Variants in HIGD1A observed in about 807,000 individuals in gnomAD.
The protein encoded by HIGD1A is HIG1 hypoxia inducible domain family member 1A.
A neutral mutation model predicts 11.3 loss-of-function variants in HIGD1A; 8 were observed. That is an observed-to-expected ratio of 0.71 (90% CI 0.42 to 1.28). The LOEUF (loss-of-function observed/expected upper bound fraction) is 1.28. Among genes scored for constraint, HIGD1A ranks in the 50% most tolerant of loss-of-function variants. The probability of loss-of-function intolerance (pLI) is 0.01; values close to 1 mark genes in which losing one functional copy is unlikely to be tolerated. For missense variants in HIGD1A, 107 were observed against 118.8 expected (o/e 0.90, Z 0.46); for synonymous variants, 32 against 38.4 (o/e 0.83, Z 0.62).
intron 2 of HIGD1A, among the ~76,000 whole-genome samples, chr3:42,788,200 A>G (rs1202807673): frequency 1.3e-5 from 2 of 152,224 alleles, no homozygotes; most frequent in African/African-American, 4.8e-5. Flanking sequence ...AAATAAACAT[A>G]CGACATTAGG....
At chr3:42,792,518 G>A (rs933947935) in intron 2 of HIGD1A, among the ~76,000 whole-genome samples, 1 of 151,336 alleles carries the variant, frequency 6.6e-6, no homozygotes, top group African/African-American at 2.4e-5. Flanking sequence ...CTAAAAGATA[G>A]AAAAAATTAG....
At chr3:42,788,230 T>A (rs1176850046) in intron 2 of HIGD1A, among the ~76,000 whole-genome samples, 1 of 152,212 alleles carries the variant, frequency 6.6e-6, no homozygotes, top group Non-Finnish European at 1.5e-5. Flanking sequence ...GTGGATATAA[T>A]CACAAGTGAT....
Position 42,794,156 on chromosome 3 carries a change from C to T in HIGD1A, c.97+1G>A. The T allele has an allele frequency of 6.3e-7, 1 of 1,599,720 alleles. No individual in the cohort carries two copies. The highest frequency in any genetic ancestry group is 1.3e-5 in the African/African-American group (1 of 74,210). On this transcript the variant is annotated splice_donor_variant, in intron 2 of 3. Transcript: ENST00000321331. LOFTEE classifies it high-confidence loss of function. ...ACTACTAAAATGTCAGTCAAACTTA[C>T]CAACGGGTACGAATGGTGCCTCTTT...
chr3:42,790,314 T>C (rs1277388698), intron 2 of HIGD1A, among the ~76,000 whole-genome samples: 2 of 151,996 alleles, frequency 1.3e-5, no homozygotes, highest in Non-Finnish European at 2.9e-5. Flanking sequence ...AGGTGGATCA[T>C]TTGAGGTCAG....
intron 1 of HIGD1A, 161 bp downstream of exon 1, chr3:42,804,275 G>A: frequency 2.1e-6 from 3 of 1,435,534 alleles, no homozygotes; most frequent in Non-Finnish European, 2.9e-6. Context: ...GCTCGAGGCC[G>A]GGCCTGAGCC....
intron 2 of HIGD1A, among the ~76,000 whole-genome samples, chr3:42,793,525 T>G (rs1052618393): frequency 2.6e-5 from 4 of 152,258 alleles, no homozygotes; most frequent in African/African-American, 9.6e-5. Context: ...TCATTCTATA[T>G]GTCTTTGTTG....
chr3:42,804,147 G>C, intron 1 of HIGD1A: 1 of 1,606,008 alleles, frequency 6.2e-7, no homozygotes, highest in South Asian at 1.1e-5. Context: ...CCCCATCAGC[G>C]AGTCTTCCCC....
At chr3:42,788,032 C>A (rs1449561260) in intron 2 of HIGD1A, among the ~76,000 whole-genome samples, 2 of 151,600 alleles carry the variant, frequency 1.3e-5, no homozygotes, top group Non-Finnish European at 2.9e-5. Flanking sequence ...ACCCCCACCT[C>A]TAACCACTGA....
intron 1 of HIGD1A, among the ~76,000 whole-genome samples, chr3:42,800,468 C>T (rs1700542403): frequency 6.6e-6 from 1 of 152,096 alleles, no homozygotes; most frequent in African/African-American, 2.4e-5. Flanking sequence ...AAGATGCTCT[C>T]TATACCTCTA....
Position 42,799,536 on chromosome 3 carries a change from G to A in HIGD1A, c.-23+4900C>T, listed in dbSNP as rs184187600. Reference sequence around the variant, plus strand: ...AGCACGATCTCGATCTTTGCTCACCGCAACCTCTGCCTCCGAGGTTTGAGT... The same window carrying A: ...AGCACGATCTCGATCTTTGCTCACCACAACCTCTGCCTCCGAGGTTTGAGT... On this transcript the variant is annotated intron_variant, in intron 1 of 3. Transcript: ENST00000321331. Among the ~76,000 whole-genome samples the A allele has an allele frequency of 5.9e-5, 9 of 152,250 alleles. No individual in the cohort carries two copies. In the East Asian group the frequency reaches 1.2e-3, roughly 20 times the overall value.
In HIGD1A at chr3:42,785,340, G is replaced by C. The variant is rs770403649; in HGVS notation, c.233-20C>G. On this transcript the variant is annotated intron_variant, in intron 3 of 3. Transcript: ENST00000321331. ...CCATACCTAAAGAAAAAGAATGCTA[G>C]TTAAGCATTTCAGTATTTTCTTAAA... 6.3e-7 allele frequency: 1 copy of C among 1,594,026 alleles called. No individual in the cohort carries two copies. The highest frequency in any genetic ancestry group is 8.6e-7 in the Non-Finnish European group (1 of 1,164,698).
intron 2 of HIGD1A, among the ~76,000 whole-genome samples, chr3:42,790,459 G>A (rs9881713): frequency 0.012 from 1,869 of 152,322 alleles, 44 homozygotes; most frequent in African/African-American, 0.042. Flanking sequence ...CTTGAACCCG[G>A]GAGGCGGAGG....
intron 1 of HIGD1A, 168 bp downstream of exon 1, chr3:42,804,268 C>A (rs1700607713): frequency 4.0e-6 from 6 of 1,513,542 alleles, no homozygotes; most frequent in African/African-American, 2.8e-5. Context: ...CGCCCATGCT[C>A]GAGGCCGGGC....
chr3:42,785,476 A>C (rs1700338533), intron 3 of HIGD1A, 156 bp from the exon 4 acceptor site: 1 of 595,100 alleles, frequency 1.7e-6, no homozygotes, highest in African/African-American at 1.9e-5. Context: ...TTGCCTTCTT[A>C]AACATCTTAA....
At chr3:42,791,358 T>A (rs1164823026) in intron 2 of HIGD1A, among the ~76,000 whole-genome samples, 1 of 152,088 alleles carries the variant, frequency 6.6e-6, no homozygotes, top group East Asian at 1.9e-4. Context: ...AAAACATTAA[T>A]ACCTAAAATA....
chr3:42,787,879 C>G (rs1001313666), intron 2 of HIGD1A, among the ~76,000 whole-genome samples: 2 of 151,672 alleles, frequency 1.3e-5, no homozygotes, highest in Non-Finnish European at 2.9e-5. Context: ...ATCCCACATT[C>G]TTTAAAATGT....
chr3:42,794,196 G>A lies in HIGD1A; in HGVS notation c.58C>T (p.Leu20Phe), dbSNP rs1224569348. 6.2e-7 allele frequency: 1 copy of A among 1,605,400 alleles called. No homozygotes were observed. Among genetic ancestry groups the A allele is most frequent in the African/African-American group, 1.3e-5 (1 of 74,522 alleles). ...GGTGCCTCTTTAGCTTTTCGAATGA[G>A]TTTTGATCCCTGATCTTCCTCATAT... Reference protein sequence around the residue: ...PSYEEDQGSKLIRKAKEAPFV... With the variant: ...PSYEEDQGSKFIRKAKEAPFV... Residue 20 changes from leucine (L) to phenylalanine (F), a missense_variant, in exon 2 of 4, where the codon CTC becomes TTC. By Grantham distance (22) the Leu-to-Phe change is conservative (BLOSUM62 0). Coordinates refer to ENST00000321331, the MANE Select transcript of HIGD1A (RefSeq NM_014056.4).
Position 42,786,182 on chromosome 3 carries a change from G to A in HIGD1A, c.98-20C>T. The A allele has an allele frequency of 6.2e-7, 1 of 1,613,624 alleles. No individual in the cohort carries two copies. Among genetic ancestry groups the A allele is most frequent in the Non-Finnish European group, 8.5e-7 (1 of 1,179,618 alleles). ...CTATTCCTGTAAAACAAAGTAACAAGTATGTCAGATGCATGAGAAGGGACC... is the reference window on the plus strand; with the variant it reads ...CTATTCCTGTAAAACAAAGTAACAAATATGTCAGATGCATGAGAAGGGACC... On this transcript the variant is annotated intron_variant, in intron 2 of 3. Transcript: ENST00000321331.
chr3:42,790,091 G>T (rs1222094128), intron 2 of HIGD1A, among the ~76,000 whole-genome samples: 1 of 151,926 alleles, frequency 6.6e-6, no homozygotes, highest in African/African-American at 2.4e-5. Context: ...AATAAGACAG[G>T]GATACATGTG....
Sources: allele counts gnomAD v4.1 joint callset (sites outside exome capture counted in the v4.1 genomes callset), GRCh38; gene constraint gnomAD v4.1.1; transcripts MANE v1.5; gene names NCBI Gene and HGNC (gene_info 2026-07-23, HGNC 2026-07-21).